The following SLC39A10 variants were observed in gnomAD, a reference collection of about 807,000 sequenced individuals.
SLC39A10 encodes zinc transporter ZIP10.
In SLC39A10, 13 loss-of-function variants were observed where a neutral mutation model predicts 65.1. The ratio of observed to expected loss-of-function variants is 0.20; its 90% CI spans 0.13 to 0.32. The LOEUF is 0.32. SLC39A10 is among the 10% of genes least tolerant of loss of function. The pLI, the probability that SLC39A10 is intolerant of heterozygous loss-of-function variation, is 1.00. For synonymous variants in SLC39A10, 321 were observed against 342.2 expected (o/e 0.94, Z 0.68); for missense variants, 831 against 1,018.4 (o/e 0.82, Z 2.50).
At chr2:195,651,229 A>G (rs969870705) in intron 2 of SLC39A10, among the ~76,000 whole-genome samples, 3 of 152,168 alleles carry the variant, frequency 2.0e-5, no homozygotes, top group Admixed American at 1.3e-4. Context: ...CTCAGGGATC[A>G]GAAAAAGACT....
intron 3 of SLC39A10, among the ~76,000 whole-genome samples, chr2:195,686,790 T>C (rs539938366): frequency 3.9e-5 from 6 of 152,210 alleles, no homozygotes; most frequent in Non-Finnish European, 7.4e-5. Flanking sequence ...CTACAACATA[T>C]AATCATAACC....
At chr2:195,642,840 G>A (rs1688839375) in intron 2 of SLC39A10, among the ~76,000 whole-genome samples, 1 of 152,164 alleles carries the variant, frequency 6.6e-6, no homozygotes, top group African/African-American at 2.4e-5. Context: ...CCCAGAAGGA[G>A]ATTGCCTGTG....
At chr2:195,694,252 G>A (rs553807804) in intron 3 of SLC39A10, among the ~76,000 whole-genome samples, 104 of 152,248 alleles carry the variant, frequency 6.8e-4, no homozygotes, top group African/African-American at 2.4e-3. Flanking sequence ...TCCATGTGCT[G>A]ATGAATAGAA....
chr2:195,624,887 C>CAAAAAA lies in SLC39A10; in HGVS notation c.-12+18671_-12+18676dup, dbSNP rs60370795. On this transcript the variant is annotated intron_variant, in intron 2 of 2. Transcript: ENST00000458054. ...GGGCGAAAAGAGAGAGACTCCATCT[C>CAAAAAA]AAAAAAAAAAAAAAAAAAAAAAGTT... Among the ~76,000 whole-genome samples the CAAAAAA allele has an allele frequency of 6.3e-5, 3 of 47,330 alleles. No individual in the cohort carries two copies. The East Asian group carries it at 1.7e-3, about 26-fold the overall frequency. The allele number at this position is 47,330 out of a possible 152,430, so 31.1% of individuals were successfully genotyped here.
chr2:195,683,239 T>C (rs537260077), intron 2 of SLC39A10, among the ~76,000 whole-genome samples: 3 of 152,126 alleles, frequency 2.0e-5, no homozygotes, highest in East Asian at 1.9e-4. Flanking sequence ...TCAACCGACA[T>C]TGGGCTAGAA....
At chr2:195,625,260 G>C (rs1376678651) in intron 2 of SLC39A10, among the ~76,000 whole-genome samples, 1 of 126,038 alleles carries the variant, frequency 7.9e-6, no homozygotes, top group Non-Finnish European at 1.7e-5. Context: ...TAAAACTGTT[G>C]ACAACTTTTT....
chr2:195,647,455 G>A (rs1209107266), intron 2 of SLC39A10, among the ~76,000 whole-genome samples: 1 of 151,642 alleles, frequency 6.6e-6, no homozygotes, highest in Non-Finnish European at 1.5e-5. Context: ...AAGATTGTGT[G>A]TTTCACTTCC....
At chr2:195,668,391 A>T (rs528803602) in intron 1 of SLC39A10, among the ~76,000 whole-genome samples, 1 of 152,356 alleles carries the variant, frequency 6.6e-6, no homozygotes, top group South Asian at 2.1e-4. Context: ...GTTTACTTAA[A>T]ACATGGTATA....
chr2:195,721,114 G>C (rs1346371087), intron 8 of SLC39A10, among the ~76,000 whole-genome samples: 1 of 151,804 alleles, frequency 6.6e-6, no homozygotes, highest in Non-Finnish European at 1.5e-5. Flanking sequence ...GCTAATTTTT[G>C]TATTTTTGAT....
chr2:195,651,022 G>A lies in SLC39A10; in HGVS notation c.-11-29010G>A, dbSNP rs191116630. Among the ~76,000 whole-genome samples, 372 of 151,946 alleles carry A rather than the reference G, an allele frequency of 2.4e-3. 2 individuals carry two copies. Among genetic ancestry groups the A allele is most frequent in the African/African-American group, 8.6e-3 (358 of 41,430 alleles). ...GGAGGTTGAGTCTGCAGTGAGCTGTGATTGCACCACTGCACTCCAGCCTGG... is the reference window on the plus strand; with the variant it reads ...GGAGGTTGAGTCTGCAGTGAGCTGTAATTGCACCACTGCACTCCAGCCTGG... On this transcript the variant is annotated intron_variant, in intron 2 of 2. Transcript: ENST00000458054.
intron 2 of SLC39A10, among the ~76,000 whole-genome samples, chr2:195,650,294 A>G (rs865834219): frequency 1.3e-4 from 14 of 105,878 alleles, no homozygotes; most frequent in East Asian, 8.6e-4. Flanking sequence ...AAAAAAAAAA[A>G]AAAAGAAAAG....
At chr2:195,706,260 T>C (rs574996115) in intron 3 of SLC39A10, among the ~76,000 whole-genome samples, 4 of 152,062 alleles carry the variant, frequency 2.6e-5, no homozygotes, top group East Asian at 3.9e-4. Flanking sequence ...TTATATTCTT[T>C]AAATAAACAG....
At chr2:195,675,568 A>G (rs985287612) in intron 1 of SLC39A10, among the ~76,000 whole-genome samples, 2 of 152,140 alleles carry the variant, frequency 1.3e-5, no homozygotes, top group Non-Finnish European at 2.9e-5. Context: ...AGTAGCTCGT[A>G]CTACAGGCGC....
At chr2:195,681,158 TTTCC>T in intron 2 of SLC39A10, 108 bp downstream of exon 2, 3 of 1,045,588 alleles carry the variant, frequency 2.9e-6, no homozygotes, top group Non-Finnish European at 1.4e-6. Context: ...TTTAAACTTA[TTTCC>T]ATATGTTTAC....
At chr2:195,690,096 G>T (rs1220848427) in intron 3 of SLC39A10, among the ~76,000 whole-genome samples, 2 of 128,412 alleles carry the variant, frequency 1.6e-5, no homozygotes, top group Non-Finnish European at 3.1e-5. Flanking sequence ...AGAATTGTTT[G>T]AACTGGGAGG....
At chr2:195,725,642 C>A (rs1692208159) in intron 8 of SLC39A10, among the ~76,000 whole-genome samples, 1 of 152,116 alleles carries the variant, frequency 6.6e-6, no homozygotes, top group Non-Finnish European at 1.5e-5. Context: ...CTTATGTTGA[C>A]ATAAAAGCCT....
intron 1 of SLC39A10, among the ~76,000 whole-genome samples, chr2:195,662,501 C>T (rs369632910): frequency 6.6e-6 from 1 of 152,170 alleles, no homozygotes; most frequent in Non-Finnish European, 1.5e-5. Flanking sequence ...GTCTCAAACT[C>T]GAACTCAAGT....
At chr2:195,668,739 T>A (rs1689735671) in intron 1 of SLC39A10, among the ~76,000 whole-genome samples, 1 of 152,170 alleles carries the variant, frequency 6.6e-6, no homozygotes, top group African/African-American at 2.4e-5. Flanking sequence ...TTGGTTTTAG[T>A]GAAATGAGTT....
rs1692307693 is a variant in SLC39A10 at position 195,728,047 on chromosome 2, C to A, written c.2147-112C>A. Reference sequence around the variant, plus strand: ...AATATTTTATATATCACATAAAATACTGTTATTAAAAGTGTGTATCTTTTT... The same window carrying A: ...AATATTTTATATATCACATAAAATAATGTTATTAAAAGTGTGTATCTTTTT... On this transcript the variant is annotated intron_variant, in intron 8 of 9. Coordinates refer to ENST00000359634, the MANE Select transcript of SLC39A10 (RefSeq NM_020342.3). This position sits in a 1 kb window ranked among gnomAD's most constrained non-coding sequence, Gnocchi z 4.4. 4.3e-6 allele frequency: 4 copies of A among 923,868 alleles called. No homozygotes were observed. Among genetic ancestry groups the A allele is most frequent in the South Asian group, 1.9e-5 (1 of 51,440 alleles). 57.2% of individuals were successfully genotyped at this position (923,868 alleles called of 1,614,324 possible). A position where few individuals can be genotyped will look rare whatever the true frequency, so the allele number is the denominator to read the frequency against.
Sources: allele counts gnomAD v4.1 joint callset (sites outside exome capture counted in the v4.1 genomes callset), GRCh38; gene constraint gnomAD v4.1.1; non-coding constraint Gnocchi (gnomAD v3.1); transcripts MANE v1.5; gene names NCBI Gene and HGNC (gene_info 2026-07-23, HGNC 2026-07-21).